The following MGAT3 variants were observed in gnomAD, a reference collection of about 807,000 sequenced individuals.
MGAT3 encodes GlcNAc-T III.
A neutral mutation model predicts 29.8 loss-of-function variants in MGAT3; 9 were observed. That is an observed-to-expected ratio of 0.30 (90% CI 0.18 to 0.53). The LOEUF is 0.53. MGAT3 is among the 20% of genes least tolerant of loss of function. MGAT3 has a pLI of 0.96. For synonymous variants in MGAT3, 397 were observed against 348.9 expected (o/e 1.14, Z -1.54); for missense variants, 557 against 769.5 (o/e 0.72, Z 3.27).
chr22:39,464,437 T>C (rs1436179159), intron 1 of MGAT3, among the ~76,000 whole-genome samples: 3 of 152,050 alleles, frequency 2.0e-5, no homozygotes, highest in Admixed American at 6.5e-5. Flanking sequence ...TTGATGCATA[T>C]TTCTTGTCTT....
intron 1 of MGAT3, among the ~76,000 whole-genome samples, chr22:39,470,842 A>G (rs113004202): frequency 2.5e-4 from 38 of 152,294 alleles, no homozygotes; most frequent in African/African-American, 9.1e-4. Context: ...TGACCTGCCC[A>G]AGATCACGGA....
In MGAT3 at chr22:39,488,096, CG is replaced by C; in HGVS notation, c.750del (p.Leu251SerfsTer7). ...TTCACGGCTTATGGGGAGCCGCGGC[CG>C]CTCAAGTTCCGGGAGATGCTGACCA... is the stretch of plus-strand genomic sequence containing the variant. The part of the protein sequence containing the change: ...SNFTAYGEPR[P>X]LKFREMLTNG... On this transcript the variant is annotated frameshift_variant, in exon 2 of 2. Transcript: ENST00000341184. LOFTEE classifies it high-confidence loss of function. 6.2e-7 allele frequency: 1 copy of C among 1,612,204 alleles called. No homozygotes were observed. The highest frequency in any genetic ancestry group is 8.5e-7 in the Non-Finnish European group (1 of 1,179,134).
Position 39,488,485 on chromosome 22 carries a change from C to A in MGAT3, c.1138C>A (p.Arg380Ser). The part of the protein sequence containing the change: ...LQAVYGLDGI[R>S]LRRRQYYTMP... ...GGCAGTGTATGGGCTGGACGGCATC[C>A]GCCTGCGCCGCCGCCAGTACTACAC... The change falls in exon 2 of 2, where the codon CGC becomes AGC. Residue 380 changes from arginine (R) to serine (S), a missense_variant. Physicochemically the swap from Arg to Ser is moderately radical, Grantham distance 110. This residue lies in a region of MGAT3 where 243 missense variants were observed against 444.0 expected (regional missense o/e 0.55). Transcript: ENST00000341184. The A allele has an allele frequency of 6.2e-7, 1 of 1,612,744 alleles. No individual in the cohort carries two copies. The highest frequency in any genetic ancestry group is 8.5e-7 in the Non-Finnish European group (1 of 1,179,966).
intron 1 of MGAT3, among the ~76,000 whole-genome samples, chr22:39,470,106 C>T (rs1305970389): frequency 2.0e-5 from 3 of 152,204 alleles, no homozygotes; most frequent in African/African-American, 7.2e-5. Context: ...GGAACAGTGG[C>T]GACCGAGGCC....
At position 39,488,470 on chromosome 22, in the gene MGAT3, G is replaced by A. The variant is rs1929354622; in HGVS notation, c.1123G>A (p.Gly375Arg). The A allele has an allele frequency of 1.2e-6, 2 of 1,612,874 alleles. No individual in the cohort carries two copies. The highest frequency in any genetic ancestry group is 1.3e-5 in the African/African-American group (1 of 75,062). ...CTVDMLQAVYGLDGIRLRRRQ... is the reference protein window; with the variant it reads ...CTVDMLQAVYRLDGIRLRRRQ... The stretch of plus-strand genomic sequence containing the variant: ...GGTGGACATGCTGCAGGCAGTGTAT[G>A]GGCTGGACGGCATCCGCCTGCGCCG... The change falls in exon 2 of 2, where the codon GGG becomes AGG. Residue 375 changes from glycine (G) to arginine (R), a missense_variant. Gly to Arg is a moderately radical substitution (Grantham distance 125). Transcript: ENST00000341184.
chr22:39,471,944 C>T (rs557407451), intron 1 of MGAT3, among the ~76,000 whole-genome samples: 1 of 152,262 alleles, frequency 6.6e-6, no homozygotes, highest in South Asian at 2.1e-4. Context: ...CCAGGGAAGG[C>T]AAGGGCTAGG....
intron 1 of MGAT3, among the ~76,000 whole-genome samples, chr22:39,478,425 G>A (rs1223030472): frequency 1.3e-5 from 2 of 152,224 alleles, no homozygotes; most frequent in Non-Finnish European, 2.9e-5. Context: ...AGCTGAAGAC[G>A]CCAGACATCA....
intron 1 of MGAT3, among the ~76,000 whole-genome samples, chr22:39,478,343 C>T (rs939719600): frequency 6.6e-6 from 1 of 152,214 alleles, no homozygotes; most frequent in Non-Finnish European, 1.5e-5. Flanking sequence ...GGGTGTTGGG[C>T]CTGCTTTACT....
At chr22:39,463,528 A>G (rs1399781657) in intron 1 of MGAT3, among the ~76,000 whole-genome samples, 2 of 152,110 alleles carry the variant, frequency 1.3e-5, no homozygotes, top group Admixed American at 1.3e-4. Context: ...CGCCTGCTCA[A>G]TGTCACCTGG....
At chr22:39,478,688 C>CCA (rs1929039743) in intron 1 of MGAT3, among the ~76,000 whole-genome samples, 1 of 152,204 alleles carries the variant, frequency 6.6e-6, no homozygotes, top group African/African-American at 2.4e-5. Context: ...TGCTACCTGC[C>CCA]TGGCCAGCTC....
intron 1 of MGAT3, among the ~76,000 whole-genome samples, chr22:39,480,337 G>A (rs566651806): frequency 1.3e-5 from 2 of 152,320 alleles, no homozygotes; most frequent in African/African-American, 4.8e-5. Context: ...CACAGAGGGC[G>A]CCCAGCCCAG....
chr22:39,458,060 G>A (rs1432958298), intron 1 of MGAT3, among the ~76,000 whole-genome samples: 1 of 152,174 alleles, frequency 6.6e-6, no homozygotes, highest in Non-Finnish European at 1.5e-5. Flanking sequence ...GGCTGCGGCC[G>A]TAGCTACCCC....
At chr22:39,476,011 G>A (rs1191948421) in intron 1 of MGAT3, 1 of 152,318 alleles carries the variant, frequency 6.6e-6, no homozygotes, top group Non-Finnish European at 1.5e-5. Context: ...GAATGGACCA[G>A]TGACCAGTGC....
intron 1 of MGAT3, among the ~76,000 whole-genome samples, chr22:39,484,519 C>T (rs1929217152): frequency 6.6e-6 from 1 of 152,004 alleles, no homozygotes; most frequent in African/African-American, 2.4e-5. Flanking sequence ...ATTACAGGTG[C>T]CCACCACCAT....
intron 1 of MGAT3, among the ~76,000 whole-genome samples, chr22:39,470,655 C>T: frequency 6.6e-6 from 1 of 152,078 alleles, no homozygotes; most frequent in East Asian, 1.9e-4. Flanking sequence ...ATCCTGGGAG[C>T]ATTTGGGGGA....
chr22:39,459,415 A>G (rs1928437111), intron 1 of MGAT3, among the ~76,000 whole-genome samples: 1 of 152,060 alleles, frequency 6.6e-6, no homozygotes, highest in African/African-American at 2.4e-5. Context: ...CACCTCAGGA[A>G]GTCAGCTTTC....
chr22:39,462,146 G>T (rs572981633), intron 1 of MGAT3, among the ~76,000 whole-genome samples: 1 of 152,174 alleles, frequency 6.6e-6, no homozygotes, highest in South Asian at 2.1e-4. Context: ...TGATCCGCCT[G>T]CCTCGGCCTC....
rs1929324417 is a variant in MGAT3, at chr22:39,487,784, G to GGTACCTCCTGA, written c.438_439insTACCTCCTGAG (p.Arg147TyrfsTer11). 1 of 1,491,756 alleles carries GGTACCTCCTGA rather than the reference G, an allele frequency of 6.7e-7. No individual in the cohort carries two copies. The allele number at this position is 1,491,756 out of a possible 1,614,324, so 92.4% of individuals were successfully genotyped here. On this transcript the variant is annotated frameshift_variant, in exon 2 of 2. Transcript: ENST00000341184. LOFTEE classifies it high-confidence loss of function. The surrounding 1 kb of genome is among the most constrained non-coding windows in gnomAD (Gnocchi z 5.7). The stretch of plus-strand genomic sequence containing the variant: ...GAGGGGGCCAACGGCTCCTCGGCCC[G>GGTACCTCCTGA]GCGGCCACCCCGGTACCTCCTGAGC...
chr22:39,490,003 G>C lies in MGAT3; in HGVS notation c.*1054G>C, dbSNP rs1477634005. ...CAATAAGGCCAGTTGTATGCTTCCT[G>C]TTCCTCATAGCTTGCCTTGGTGGGG... On this transcript the variant is annotated 3_prime_UTR_variant, in exon 2 of 2. Coordinates refer to ENST00000341184, the MANE Select transcript of MGAT3 (RefSeq NM_002409.5). 1 of 167,418 alleles carries C rather than the reference G, an allele frequency of 6.0e-6. No individual in the cohort carries two copies. Among genetic ancestry groups the C allele is most frequent in the Non-Finnish European group, 1.5e-5 (1 of 68,234 alleles). 10.4% of individuals were successfully genotyped at this position (167,418 alleles called of 1,614,324 possible). A position where few individuals can be genotyped will look rare whatever the true frequency, so the allele number is the denominator to read the frequency against.
Sources: gnomAD v4.1 joint callset for allele counts (sites outside exome capture counted in the v4.1 genomes callset) on GRCh38, gnomAD v4.1.1 for gene constraint, gnomAD v4.1.1 regional missense constraint, Gnocchi (gnomAD v3.1) non-coding constraint, MANE v1.5 for transcripts, NCBI Gene and HGNC (gene_info 2026-07-23, HGNC 2026-07-21) for gene names.